SLC24A3: variants seen among roughly 807,000 people sequenced by gnomAD.
SLC24A3 encodes the protein sodium/potassium/calcium exchanger 3.
In SLC24A3, 28 loss-of-function variants were observed where a neutral mutation model predicts 75.8. The ratio of observed to expected loss-of-function variants is 0.37; its 90% CI spans 0.27 to 0.51. SLC24A3 has a LOEUF of 0.51. Ranked by LOEUF, SLC24A3 falls within the 20% of genes least tolerant of loss-of-function variation. SLC24A3 has a pLI of 0.94. For missense variants in SLC24A3, 663 were observed against 847.8 expected, an observed-to-expected ratio of 0.78 and a Z score of 2.71; for synonymous variants, 372 against 334.1, an observed-to-expected ratio of 1.11 and a Z score of -1.24.
chr20:19,295,564 G>A (rs1255656212), intron 2 of SLC24A3, among the ~76,000 whole-genome samples: 1 of 152,164 alleles, frequency 6.6e-6, no homozygotes, highest in Non-Finnish European at 1.5e-5. Flanking sequence ...TTAACATGAA[G>A]GGATGTTGAA....
At chr20:19,374,635 G>T (rs1009965416) in intron 2 of SLC24A3, among the ~76,000 whole-genome samples, 2 of 152,190 alleles carry the variant, frequency 1.3e-5, no homozygotes, top group African/African-American at 2.4e-5. Context: ...CCCCAAGCCT[G>T]TGGGGTAGGC....
At chr20:19,498,626 G>T (rs1988334138) in intron 2 of SLC24A3, among the ~76,000 whole-genome samples, 1 of 152,102 alleles carries the variant, frequency 6.6e-6, no homozygotes, top group Non-Finnish European at 1.5e-5. Context: ...GATATCAATT[G>T]TTATCAATAT....
chr20:19,415,583 C>T (rs1313832526), intron 2 of SLC24A3, among the ~76,000 whole-genome samples: 1 of 151,946 alleles, frequency 6.6e-6, no homozygotes, highest in Non-Finnish European at 1.5e-5. Context: ...TCTGGGCTCA[C>T]CAGAATGTAT....
intron 2 of SLC24A3, among the ~76,000 whole-genome samples, chr20:19,284,956 C>T (rs1983770586): frequency 6.6e-6 from 1 of 152,142 alleles, no homozygotes; most frequent in Admixed American, 6.5e-5. Flanking sequence ...GACACTCTCC[C>T]ATTTCCCTTA....
chr20:19,701,211 T>C (rs1202297691), intron 15 of SLC24A3, among the ~76,000 whole-genome samples: 1 of 152,126 alleles, frequency 6.6e-6, no homozygotes, highest in Non-Finnish European at 1.5e-5. Flanking sequence ...TGGGAATCCA[T>C]GTTTAGCTCT....
chr20:19,711,329 A>G (rs544595881), intron 15 of SLC24A3, among the ~76,000 whole-genome samples: 43 of 151,768 alleles, frequency 2.8e-4, no homozygotes, highest in African/African-American at 5.3e-4. Flanking sequence ...ACACACATGC[A>G]TGCACACGTG....
At chr20:19,298,266 G>T (rs771325189) in intron 2 of SLC24A3, among the ~76,000 whole-genome samples, 1 of 152,228 alleles carries the variant, frequency 6.6e-6, no homozygotes. Flanking sequence ...GAAGGAATAC[G>T]ATCGTCATTT....
At chr20:19,491,925 G>A (rs193020312) in intron 2 of SLC24A3, among the ~76,000 whole-genome samples, 9 of 152,170 alleles carry the variant, frequency 5.9e-5, no homozygotes, top group Non-Finnish European at 8.8e-5. Flanking sequence ...TAAGGGACCT[G>A]GGCAGGGCAG....
At chr20:19,556,906 T>A (rs569845889) in intron 3 of SLC24A3, among the ~76,000 whole-genome samples, 9 of 152,228 alleles carry the variant, frequency 5.9e-5, no homozygotes, top group South Asian at 4.1e-4. Flanking sequence ...CCCATTTTTT[T>A]AAAAAAGTAT....
intron 2 of SLC24A3, among the ~76,000 whole-genome samples, chr20:19,390,263 G>A (rs1340728789): frequency 6.6e-6 from 1 of 152,170 alleles, no homozygotes; most frequent in Non-Finnish European, 1.5e-5. Context: ...CTTTGTTGGT[G>A]TCATGTTTCC....
chr20:19,452,234 AG>A (rs1987495292), intron 2 of SLC24A3, among the ~76,000 whole-genome samples: 1 of 152,196 alleles, frequency 6.6e-6, no homozygotes, highest in Non-Finnish European at 1.5e-5. Context: ...GAATTTACCA[AG>A]GGGGAGAGGT....
chr20:19,369,829 CT>C (rs1229467246), intron 2 of SLC24A3, among the ~76,000 whole-genome samples: 1 of 152,080 alleles, frequency 6.6e-6, no homozygotes, highest in African/African-American at 2.4e-5. Flanking sequence ...TGCTCTGTGT[CT>C]TTTTAAAATT....
chr20:19,710,040 T>C (rs765524911), intron 15 of SLC24A3, among the ~76,000 whole-genome samples: 1 of 152,178 alleles, frequency 6.6e-6, no homozygotes, highest in Admixed American at 6.5e-5. Flanking sequence ...TATTTTACAA[T>C]GTAAAGCCAC....
intron 1 of SLC24A3, among the ~76,000 whole-genome samples, chr20:19,248,547 C>T (rs115672687): frequency 7.2e-5 from 11 of 151,958 alleles, no homozygotes; most frequent in African/African-American, 1.4e-4. Flanking sequence ...ACCCTTTTGG[C>T]GGAAATGTAA....
intron 2 of SLC24A3, among the ~76,000 whole-genome samples, chr20:19,472,531 G>A (rs1011149367): frequency 3.3e-5 from 5 of 152,192 alleles, no homozygotes; most frequent in African/African-American, 9.7e-5. Context: ...CAGAAGTCAA[G>A]TGTGTTACTT....
chr20:19,648,884 T>C lies in SLC24A3; in HGVS notation c.613-5178T>C, dbSNP rs139455692. 7.2e-3 allele frequency among the ~76,000 whole-genome samples: 1,093 copies of C among 152,304 alleles called. 11 individuals are homozygous for C. The highest frequency in any genetic ancestry group is 0.025 in the African/African-American group (1,046 of 41,560). The stretch of plus-strand genomic sequence containing the variant: ...AGAAATATCAAGATGAAATTCCAGC[T>C]GGGTGGGATTCCTAAAGCTATAGGG... On this transcript the variant is annotated intron_variant, in intron 6 of 16. Transcript: ENST00000328041.
At chr20:19,709,208 T>G (rs1401274172) in intron 15 of SLC24A3, among the ~76,000 whole-genome samples, 1 of 152,014 alleles carries the variant, frequency 6.6e-6, no homozygotes, top group African/African-American at 2.4e-5. Flanking sequence ...CTCCTCAGAG[T>G]CACTGGTGGA....
At chr20:19,652,568 T>C (rs868001198) in intron 6 of SLC24A3, among the ~76,000 whole-genome samples, 32 of 152,346 alleles carry the variant, frequency 2.1e-4, no homozygotes, top group Middle Eastern at 6.8e-3. Flanking sequence ...AACCCTGTCA[T>C]GTGTGACTTA....
At chr20:19,382,080 G>A (rs1055815581) in intron 2 of SLC24A3, among the ~76,000 whole-genome samples, 6 of 152,216 alleles carry the variant, frequency 3.9e-5, no homozygotes, top group Non-Finnish European at 7.3e-5. Context: ...CGTTTGCCAC[G>A]TGTCAGTTCT....
Sources: gnomAD v4.1 joint callset for allele counts (sites outside exome capture counted in the v4.1 genomes callset) on GRCh38, gnomAD v4.1.1 for gene constraint, MANE v1.5 for transcripts, NCBI Gene and HGNC (gene_info 2026-07-23, HGNC 2026-07-21) for gene names.